The following TAMM41 variants were observed in gnomAD, a reference collection of about 807,000 sequenced individuals.
TAMM41 encodes the protein phosphatidate cytidylyltransferase, mitochondrial.
A neutral mutation model predicts 44.1 loss-of-function variants in TAMM41; 36 were observed. The observed-to-expected ratio is 0.82, with a 90% CI of 0.63 to 1.08. TAMM41 has a LOEUF of 1.08. TAMM41 is among the 50% of genes least tolerant of loss of function. The pLI is 0.00. For missense variants in TAMM41, 417 were observed against 404.3 expected (o/e 1.03, Z -0.27); for synonymous variants, 164 against 153.1 (o/e 1.07, Z -0.53).
At chr3:11,757,303 G>A in the TAMM41 span, among the ~76,000 whole-genome samples, 1 of 152,332 alleles carries the variant, frequency 6.6e-6, no homozygotes, top group African/African-American at 2.4e-5. Flanking sequence ...AAAGTTGAGT[G>A]AGGGGAAATT....
At chr3:11,746,092 A>C in the TAMM41 span, among the ~76,000 whole-genome samples, 1 of 152,164 alleles carries the variant, frequency 6.6e-6, no homozygotes. Context: ...CGAGGTCAGG[A>C]GATCGAGACC....
intron 7 of TAMM41, among the ~76,000 whole-genome samples, chr3:11,791,696 T>A (rs988900149): frequency 1.3e-5 from 2 of 152,180 alleles, no homozygotes; most frequent in African/African-American, 4.8e-5. Context: ...CCCTGTTACC[T>A]GTAAACTGCT....
chr3:11,724,450 C>G, the TAMM41 span, among the ~76,000 whole-genome samples: 1 of 150,020 alleles, frequency 6.7e-6, no homozygotes, highest in African/African-American at 2.5e-5. Context: ...GAGTCTCGCT[C>G]TCTCACCCAG....
chr3:11,735,084 G>C, the TAMM41 span, among the ~76,000 whole-genome samples: 16 of 151,490 alleles, frequency 1.1e-4, no homozygotes, highest in East Asian at 3.1e-3. Context: ...TGTGACTCAG[G>C]CATGGTGGCT....
chr3:11,800,069 C>T (rs571696187), intron 7 of TAMM41, among the ~76,000 whole-genome samples: 1 of 152,228 alleles, frequency 6.6e-6, no homozygotes, highest in African/African-American at 2.4e-5. Context: ...TAGACCAGCC[C>T]TATAGGAAAT....
the TAMM41 span, among the ~76,000 whole-genome samples, chr3:11,769,514 C>G: frequency 1.3e-5 from 2 of 152,144 alleles, no homozygotes; most frequent in African/African-American, 4.8e-5. Flanking sequence ...GTTACAACTT[C>G]TCAACTCTGC....
At chr3:11,791,867 C>T (rs2077485678) in intron 7 of TAMM41, among the ~76,000 whole-genome samples, 1 of 152,170 alleles carries the variant, frequency 6.6e-6, no homozygotes, top group African/African-American at 2.4e-5. Context: ...CCTTTCCCTG[C>T]CTCCACCCCT....
chr3:11,808,626 C>T lies in TAMM41; in HGVS notation c.875-731G>A, dbSNP rs914795516. The stretch of plus-strand genomic sequence containing the variant: ...AATGCACTCAATTGACAGAGGGACT[C>T]ATTCTCAATTTCATAAATATTTCTT... On this transcript the variant is annotated intron_variant, in intron 6 of 7. Coordinates refer to ENST00000455809, the MANE Select transcript of TAMM41 (RefSeq NM_001284401.2). The T allele has an allele frequency of 6.1e-6, 6 of 985,106 alleles. No homozygotes were observed. In the African/African-American group the frequency reaches 1.0e-4, roughly 17 times the overall value. The allele number at this position is 985,106 out of a possible 1,614,324, so 61.0% of individuals were successfully genotyped here.
At chr3:11,816,954 A>T (rs2078303859) in intron 5 of TAMM41, 1 of 443,876 alleles carries the variant, frequency 2.3e-6, no homozygotes, top group Non-Finnish European at 4.0e-6. Context: ...ATACATGGTC[A>T]AAACAAGTCC....
chr3:11,816,845 G>T (rs921456194), intron 5 of TAMM41, among the ~76,000 whole-genome samples: 1 of 152,074 alleles, frequency 6.6e-6, no homozygotes, highest in African/African-American at 2.4e-5. Context: ...GGAGCTAAAT[G>T]GGTCTGGGGA....
intron 4 of TAMM41, among the ~76,000 whole-genome samples, chr3:11,825,428 C>A (rs1224961106): frequency 6.6e-6 from 1 of 152,182 alleles, no homozygotes; most frequent in Non-Finnish European, 1.5e-5. Context: ...GCTGATACAA[C>A]CACACTGCTT....
At chr3:11,776,164 C>A in the TAMM41 span, among the ~76,000 whole-genome samples, 1 of 151,650 alleles carries the variant, frequency 6.6e-6, no homozygotes, top group African/African-American at 2.4e-5. Context: ...CAGGCGCCCG[C>A]CACCACGCCC....
the TAMM41 span, chr3:11,725,114 C>G: frequency 6.7e-6 from 1 of 149,776 alleles, no homozygotes; most frequent in Admixed American, 6.7e-5. Context: ...TCCTCCTGCC[C>G]CTCCTCCCCC....
chr3:11,756,725 C>CGT, the TAMM41 span, among the ~76,000 whole-genome samples: 2 of 151,914 alleles, frequency 1.3e-5, no homozygotes, highest in African/African-American at 4.8e-5. Context: ...ATTAGCTGGG[C>CGT]GTGGTGGCAC....
chr3:11,797,558 C>T (rs2077635563), intron 7 of TAMM41, among the ~76,000 whole-genome samples: 1 of 151,950 alleles, frequency 6.6e-6, no homozygotes, highest in Admixed American at 6.5e-5. Flanking sequence ...TTAGGCAATA[C>T]CATTCTGGAC....
At chr3:11,769,127 C>T in the TAMM41 span, among the ~76,000 whole-genome samples, 14 of 152,188 alleles carry the variant, frequency 9.2e-5, no homozygotes, top group African/African-American at 2.9e-4. Context: ...TCTCACTCTG[C>T]GCCCAGGCTG....
the TAMM41 span, among the ~76,000 whole-genome samples, chr3:11,767,953 T>C: frequency 1.3e-5 from 2 of 150,886 alleles, no homozygotes; most frequent in African/African-American, 2.4e-5. Context: ...ATTTTGATTA[T>C]AGATCAAAAT....
rs777022754 is a variant in TAMM41 at position 11,817,263 on chromosome 3, G to A, written c.637C>T (p.Arg213Ter). ...TGTAGTATGCTGCCATAGAGCTCTC[G>A]AAAGTGGGCTATATTGGGCTTCACA... ...NIVKPNIAHFRELYGSILQEN... is the reference protein window; with the variant it reads ...NIVKPNIAHF The change falls in exon 5 of 8, where the codon CGA (arginine) becomes TGA (stop). Residue 213 changes from arginine to a stop codon, truncating the protein, a stop_gained. Coordinates refer to ENST00000455809, the MANE Select transcript of TAMM41 (RefSeq NM_001284401.2). LOFTEE classifies it high-confidence loss of function. 22 of 1,613,480 alleles carry A rather than the reference G, an allele frequency of 1.4e-5. No homozygotes were observed. Among genetic ancestry groups the A allele is most frequent in the Admixed American group, 1.2e-4 (7 of 60,002 alleles).
the TAMM41 span, among the ~76,000 whole-genome samples, chr3:11,784,791 C>A: frequency 7.6e-4 from 102 of 134,326 alleles, no homozygotes; most frequent in African/African-American, 2.7e-3. Flanking sequence ...CACTTCTTTT[C>A]TTTTCTTTTT....
Sources: gnomAD v4.1 joint callset for allele counts (sites outside exome capture counted in the v4.1 genomes callset) on GRCh38, gnomAD v4.1.1 for gene constraint, MANE v1.5 for transcripts, NCBI Gene and HGNC (gene_info 2026-07-23, HGNC 2026-07-21) for gene names.